XKR4: variants seen among roughly 807,000 people sequenced by gnomAD.
XKR4 encodes the protein XK-related protein 4.
In XKR4, 12 loss-of-function variants were observed where a neutral mutation model predicts 53.9. The ratio of observed to expected loss-of-function variants is 0.22; its 90% confidence interval spans 0.14 to 0.36. XKR4 has a LOEUF of 0.36. XKR4 is among the 10% of genes least tolerant of loss of function. The pLI, the probability that XKR4 is intolerant of heterozygous loss-of-function variation, is 1.00. For missense variants in XKR4, 799 were observed against 859.5 expected, an observed-to-expected ratio of 0.93 and a Z score of 0.88; for synonymous variants, 354 against 362.4, an observed-to-expected ratio of 0.98 and a Z score of 0.26.
At chr8:55,313,899 T>C (rs746774496) in intron 1 of XKR4, among the ~76,000 whole-genome samples, 11 of 152,206 alleles carry the variant, frequency 7.2e-5, no homozygotes, top group Non-Finnish European at 1.6e-4. Context: ...GAGTTATGAG[T>C]GTTTCTGACC....
intron 2 of XKR4, among the ~76,000 whole-genome samples, chr8:55,481,268 C>A (rs865805590): frequency 1.3e-5 from 2 of 152,130 alleles, no homozygotes; most frequent in African/African-American, 2.4e-5. Flanking sequence ...CTGACTTTGA[C>A]AAACCTGAGA....
intron 1 of XKR4, among the ~76,000 whole-genome samples, chr8:55,267,193 G>C (rs1818618688): frequency 6.6e-6 from 1 of 151,914 alleles, no homozygotes. Flanking sequence ...TTAGACAAAA[G>C]TGAAATATAA....
At chr8:55,319,029 A>G (rs1803164684) in intron 1 of XKR4, among the ~76,000 whole-genome samples, 1 of 152,154 alleles carries the variant, frequency 6.6e-6, no homozygotes, top group South Asian at 2.1e-4. Flanking sequence ...TCATAAGTTG[A>G]CTTTTGTTCA....
intron 2 of XKR4, among the ~76,000 whole-genome samples, chr8:55,470,086 A>G (rs1404255790): frequency 6.6e-6 from 1 of 152,132 alleles, no homozygotes; most frequent in Non-Finnish European, 1.5e-5. Context: ...GGGAAAGTAA[A>G]GGTTTTCATA....
intron 1 of XKR4, among the ~76,000 whole-genome samples, chr8:55,218,064 A>G: frequency 6.6e-6 from 1 of 152,210 alleles, no homozygotes; most frequent in East Asian, 1.9e-4. Flanking sequence ...AGATGGAGAA[A>G]GGGAACTGTG....
chr8:55,177,337 A>G (rs1817249452), intron 1 of XKR4, among the ~76,000 whole-genome samples: 1 of 152,146 alleles, frequency 6.6e-6, no homozygotes, highest in African/African-American at 2.4e-5. Context: ...ATGCCTGACC[A>G]CTTCTTAACT....
At chr8:55,455,151 C>G (rs1805545448) in intron 2 of XKR4, 2 of 582,606 alleles carry the variant, frequency 3.4e-6, no homozygotes, top group African/African-American at 3.7e-5. Context: ...GGGAGGGACG[C>G]TGGGCGGGCT....
intron 1 of XKR4, among the ~76,000 whole-genome samples, chr8:55,264,771 T>A (rs886713726): frequency 2.6e-5 from 4 of 152,230 alleles, no homozygotes; most frequent in African/African-American, 7.2e-5. Flanking sequence ...ATGGTCATTA[T>A]ACATCATTCC....
chr8:55,460,596 T>C (rs1322378407), intron 2 of XKR4, among the ~76,000 whole-genome samples: 1 of 152,170 alleles, frequency 6.6e-6, no homozygotes, highest in African/African-American at 2.4e-5. Context: ...AACTGAGGTA[T>C]CGGGTTCATC....
chr8:55,445,040 A>T (rs1393476381), intron 2 of XKR4, among the ~76,000 whole-genome samples: 1 of 152,066 alleles, frequency 6.6e-6, no homozygotes, highest in Non-Finnish European at 1.5e-5. Context: ...ACATGTATGA[A>T]TTTTGTTTTT....
intron 1 of XKR4, among the ~76,000 whole-genome samples, chr8:55,188,611 A>T (rs946638740): frequency 6.6e-6 from 1 of 152,220 alleles, no homozygotes; most frequent in African/African-American, 2.4e-5. Context: ...TCCTGATATT[A>T]ACCAAGTAAG....
At chr8:55,432,515 T>C (rs1266662297) in intron 2 of XKR4, among the ~76,000 whole-genome samples, 1 of 152,134 alleles carries the variant, frequency 6.6e-6, no homozygotes, top group Non-Finnish European at 1.5e-5. Context: ...AAAAGACAGA[T>C]AGTGAGAGCA....
chr8:55,462,607 C>G (rs1805680071), intron 2 of XKR4, among the ~76,000 whole-genome samples: 2 of 152,122 alleles, frequency 1.3e-5, no homozygotes, highest in African/African-American at 4.8e-5. Flanking sequence ...ATGACGGGAT[C>G]AAATTCACAC....
At chr8:55,299,218 A>G (rs1819144807) in intron 1 of XKR4, among the ~76,000 whole-genome samples, 1 of 152,164 alleles carries the variant, frequency 6.6e-6, no homozygotes, top group South Asian at 2.1e-4. Context: ...TGGCCCTGCT[A>G]ATTTTAATAA....
chr8:55,392,298 C>G (rs1345326387), intron 2 of XKR4, among the ~76,000 whole-genome samples: 1 of 152,108 alleles, frequency 6.6e-6, no homozygotes, highest in Non-Finnish European at 1.5e-5. Flanking sequence ...AGGAAATACA[C>G]AGGCTGAGAC....
At chr8:55,216,575 A>G (rs1336246275) in intron 1 of XKR4, among the ~76,000 whole-genome samples, 1 of 152,012 alleles carries the variant, frequency 6.6e-6, no homozygotes, top group Non-Finnish European at 1.5e-5. Context: ...TAAAAATACA[A>G]AATTAGCTGG....
intron 1 of XKR4, among the ~76,000 whole-genome samples, chr8:55,311,558 T>C (rs1205660558): frequency 6.6e-6 from 1 of 152,106 alleles, no homozygotes; most frequent in Non-Finnish European, 1.5e-5. Flanking sequence ...TGAGTTAATT[T>C]GTAGGCTCTT....
chr8:55,431,271 G>T (rs1330172542), intron 2 of XKR4, among the ~76,000 whole-genome samples: 2 of 152,162 alleles, frequency 1.3e-5, no homozygotes, highest in East Asian at 3.9e-4. Flanking sequence ...TTTGCTTTAT[G>T]TATAGAGAGA....
chr8:55,377,774 G>T (rs1804172038), intron 2 of XKR4, among the ~76,000 whole-genome samples: 1 of 152,204 alleles, frequency 6.6e-6, no homozygotes, highest in South Asian at 2.1e-4. Context: ...TATAGGCTGT[G>T]CCTGCGCCTT....
Sources: gnomAD v4.1 joint callset for allele counts (sites outside exome capture counted in the v4.1 genomes callset) on GRCh38, gnomAD v4.1.1 for gene constraint, MANE v1.5 for transcripts, NCBI Gene and HGNC (gene_info 2026-07-23, HGNC 2026-07-21) for gene names.